Variants in ADAMTS3 observed in about 807,000 individuals in gnomAD.
ADAMTS3 encodes ADAM metallopeptidase with thrombospondin type 1 motif 3.
ADAMTS3 carries 73 observed loss-of-function variants against 129.0 expected under a neutral mutation model. The ratio of observed to expected loss-of-function variants is 0.57; its 90% CI spans 0.47 to 0.69. ADAMTS3 has a LOEUF of 0.69. Ranked by LOEUF, ADAMTS3 falls within the 30% of genes least tolerant of loss-of-function variation. The pLI is 0.00. For missense variants in ADAMTS3, 1,457 were observed against 1,514.5 expected (o/e 0.96, Z 0.63); for synonymous variants, 477 against 510.8 (o/e 0.93, Z 0.89).
intron 3 of ADAMTS3, among the ~76,000 whole-genome samples, chr4:72,474,337 C>A (rs1043100379): frequency 6.6e-6 from 1 of 151,412 alleles, no homozygotes. Context: ...TAAATGAAAA[C>A]GGAGAAAAAA....
chr4:72,306,963 G>A (rs372092091), intron 15 of ADAMTS3, among the ~76,000 whole-genome samples: 2 of 151,702 alleles, frequency 1.3e-5, no homozygotes, highest in African/African-American at 4.8e-5. Context: ...ACAATAGTCA[G>A]GTCAATTAGA....
intron 5 of ADAMTS3, among the ~76,000 whole-genome samples, chr4:72,323,597 C>T (rs1719622209): frequency 6.6e-6 from 1 of 152,026 alleles, no homozygotes; most frequent in African/African-American, 2.4e-5. Context: ...TATCTGAGGG[C>T]CAGCTAGCAG....
chr4:72,517,166 T>A (rs1165751213), intron 3 of ADAMTS3, among the ~76,000 whole-genome samples: 1 of 152,160 alleles, frequency 6.6e-6, no homozygotes, highest in Non-Finnish European at 1.5e-5. Flanking sequence ...TGAACCAGCC[T>A]TGCATCCCAG....
intron 3 of ADAMTS3, among the ~76,000 whole-genome samples, chr4:72,483,829 T>C (rs181584364): frequency 1.9e-3 from 296 of 152,098 alleles, no homozygotes; most frequent in Non-Finnish European, 2.9e-3. Context: ...CCATCCTGAC[T>C]AACATGGTGA....
intron 3 of ADAMTS3, among the ~76,000 whole-genome samples, chr4:72,461,291 A>T (rs1375803625): frequency 3.3e-5 from 5 of 151,806 alleles, no homozygotes; most frequent in Non-Finnish European, 7.4e-5. Context: ...GTAGAAAGAA[A>T]TAGAGTGGAA....
chr4:72,368,406 G>A (rs1720924191), intron 4 of ADAMTS3, among the ~76,000 whole-genome samples: 1 of 152,092 alleles, frequency 6.6e-6, no homozygotes, highest in South Asian at 2.1e-4. Context: ...AGGACAAGGA[G>A]TACAGATCGA....
At chr4:72,489,721 A>G in intron 3 of ADAMTS3, among the ~76,000 whole-genome samples, 1 of 151,994 alleles carries the variant, frequency 6.6e-6, no homozygotes, top group East Asian at 1.9e-4. Flanking sequence ...AGTTATTTGT[A>G]TTAATTTCTT....
intron 4 of ADAMTS3, among the ~76,000 whole-genome samples, chr4:72,395,344 T>C (rs1342860605): frequency 6.6e-6 from 1 of 152,114 alleles, no homozygotes; most frequent in Non-Finnish European, 1.5e-5. Context: ...ATTCAACTCA[T>C]ATATCCATAT....
chr4:72,306,855 T>C (rs1719101582), intron 15 of ADAMTS3, among the ~76,000 whole-genome samples: 1 of 151,974 alleles, frequency 6.6e-6, no homozygotes, highest in Admixed American at 6.6e-5. Context: ...AAATGTCATA[T>C]ATCACATACT....
chr4:72,513,748 C>G lies in ADAMTS3; in HGVS notation c.504+34730G>C, dbSNP rs187099509. 1.2e-3 allele frequency among the ~76,000 whole-genome samples: 190 copies of G among 152,120 alleles called. 2 individuals are homozygous for G. The highest frequency in any genetic ancestry group is 2.1e-3 in the Non-Finnish European group (145 of 68,000). ...GCAGTTTTTTTACATAAATATATTG[C>G]ATAATGGTAAGGTTTGGGCTTCCAG... On this transcript the variant is annotated intron_variant, in intron 3 of 21. Transcript: ENST00000286657.
intron 21 of ADAMTS3, among the ~76,000 whole-genome samples, chr4:72,288,230 C>T (rs751175388): frequency 1.5e-4 from 23 of 152,186 alleles, no homozygotes; most frequent in Non-Finnish European, 2.9e-4. Flanking sequence ...TTTTGCCATA[C>T]AGCAAGTTGG....
intron 4 of ADAMTS3, among the ~76,000 whole-genome samples, chr4:72,390,912 G>A (rs1423548720): frequency 6.7e-6 from 1 of 149,144 alleles, no homozygotes; most frequent in African/African-American, 2.5e-5. Context: ...AAAAAAAACT[G>A]GCTAAACTTT....
chr4:72,337,880 T>C lies in ADAMTS3; in HGVS notation c.861+1614A>G, dbSNP rs80103135. 4.6e-5 allele frequency among the ~76,000 whole-genome samples: 7 copies of C among 152,268 alleles called. No homozygotes were observed. In the East Asian group the frequency reaches 5.8e-4, roughly 13 times the overall value. ...GGACAAGACCATATCAAAATCTCTA[T>C]TGCATTACTCCAAAAGCCTTCTTAT... On this transcript the variant is annotated intron_variant, in intron 5 of 21. Transcript: ENST00000286657.
In ADAMTS3 at chr4:72,281,616, T is replaced by C. The variant is rs953469263; in HGVS notation, c.*1520A>G. 1 of 152,204 alleles carries C rather than the reference T, an allele frequency of 6.6e-6. No homozygotes were observed. The highest frequency in any genetic ancestry group is 2.1e-4 in the South Asian group (1 of 4,834). 9.4% of individuals were successfully genotyped at this position (152,204 alleles called of 1,614,324 possible). A position where few individuals can be genotyped will look rare whatever the true frequency, so the allele number is the denominator to read the frequency against. On this transcript the variant is annotated 3_prime_UTR_variant, in exon 22 of 22. Transcript: ENST00000286657. ...CCTTGAAGGGAAACAAGTCATCAAC[T>C]TAATATCAACTACTAAAAATGCAAG...
intron 3 of ADAMTS3, among the ~76,000 whole-genome samples, chr4:72,453,818 G>T (rs909156878): frequency 6.6e-6 from 1 of 151,088 alleles, no homozygotes; most frequent in Non-Finnish European, 1.5e-5. Context: ...TTTAAGTAAG[G>T]TGCCAACTGA....
chr4:72,556,942 T>C (rs181164851), intron 2 of ADAMTS3, among the ~76,000 whole-genome samples: 87 of 151,788 alleles, frequency 5.7e-4, no homozygotes, highest in Non-Finnish European at 4.6e-4. Flanking sequence ...CCTGATGTGA[T>C]ACAGTTAGAA....
chr4:72,465,572 T>C (rs985886062), intron 3 of ADAMTS3, among the ~76,000 whole-genome samples: 2 of 152,014 alleles, frequency 1.3e-5, no homozygotes, highest in African/African-American at 2.4e-5. Flanking sequence ...GCATTAACTA[T>C]GTCCTACACA....
chr4:72,505,202 A>T (rs1267284465), intron 3 of ADAMTS3, among the ~76,000 whole-genome samples: 1 of 152,030 alleles, frequency 6.6e-6, no homozygotes, highest in Non-Finnish European at 1.5e-5. Context: ...TCTAATTTTT[A>T]TAGTTATTTT....
At position 72,399,861 on chromosome 4, in the gene ADAMTS3, CGTGTGTATAT is replaced by C. The variant is rs1721846062; in HGVS notation, c.661+14944_661+14953del. Among the ~76,000 whole-genome samples, 54 of 39,862 alleles carry C rather than the reference CGTGTGTATAT, an allele frequency of 1.4e-3. 7 individuals carry two copies. Among genetic ancestry groups the C allele is most frequent in the South Asian group, 8.1e-3 (9 of 1,110 alleles). The allele number at this position is 39,862 out of a possible 152,430, so 26.2% of individuals were successfully genotyped here. A position where few individuals can be genotyped will look rare whatever the true frequency, so the allele number is the denominator to read the frequency against. On this transcript the variant is annotated intron_variant, in intron 4 of 21. Coordinates refer to ENST00000286657, the MANE Select transcript of ADAMTS3 (RefSeq NM_014243.3). The stretch of plus-strand genomic sequence containing the variant: ...TATATACACACACGGTGTGTATATA[CGTGTGTATAT>C]ATACACACACGGTGTGTATATACGT...
Sources: gnomAD v4.1 joint callset for allele counts (sites outside exome capture counted in the v4.1 genomes callset) on GRCh38, gnomAD v4.1.1 for gene constraint, MANE v1.5 for transcripts, NCBI Gene and HGNC (gene_info 2026-07-23, HGNC 2026-07-21) for gene names.